SLC60A1: variants seen among roughly 807,000 people sequenced by gnomAD.
SLC60A1 encodes the protein major facilitator superfamily domain containing 4.
chr1:205,586,386 A>C, the SLC60A1 span, among the ~76,000 whole-genome samples: 33 of 152,224 alleles, frequency 2.2e-4, no homozygotes, highest in South Asian at 6.2e-3. Context: ...TGGGAGGTGG[A>C]GCCTACCTGG....
the SLC60A1 span, among the ~76,000 whole-genome samples, chr1:205,584,547 TTAAAAA>T: frequency 1.1e-5 from 1 of 92,870 alleles, no homozygotes; most frequent in African/African-American, 4.8e-5. Flanking sequence ...CTTTTTTTTT[TTAAAAA>T]AAAAAAAAAA....
chr1:205,573,102 C>CAAAA, the SLC60A1 span, among the ~76,000 whole-genome samples: 4,000 of 152,010 alleles, frequency 0.026, 160 homozygotes, highest in African/African-American at 0.089. Context: ...AGTGTCAAAA[C>CAAAA]CAAACAAAAC....
the SLC60A1 span, chr1:205,592,047 C>A: frequency 1.6e-3 from 2,432 of 1,541,118 alleles, 7 homozygotes; most frequent in South Asian, 3.8e-3. Flanking sequence ...AGAGAGGAAA[C>A]GCCAAGCCAG....
chr1:205,572,268 G>A, the SLC60A1 span, among the ~76,000 whole-genome samples: 1 of 152,100 alleles, frequency 6.6e-6, no homozygotes, highest in African/African-American at 2.4e-5. Context: ...GTTTCTTGGG[G>A]ATCTGTCTAA....
At chr1:205,586,311 A>G in the SLC60A1 span, 7 of 1,374,644 alleles carry the variant, frequency 5.1e-6, no homozygotes, top group Admixed American at 1.4e-4. Flanking sequence ...TTCTGCCAGC[A>G]GGATGGGAAC....
At chr1:205,595,274 T>A in the SLC60A1 span, 2 of 152,510 alleles carry the variant, frequency 1.3e-5, no homozygotes, top group African/African-American at 4.8e-5. Flanking sequence ...TATTCCCTGA[T>A]GGCACAAAAA....
chr1:205,598,171 G>A, the SLC60A1 span: 1 of 267,682 alleles, frequency 3.7e-6, no homozygotes, highest in Non-Finnish European at 7.4e-6. Flanking sequence ...GGTTGGAACT[G>A]CAGTCAGAGT....
At chr1:205,592,490 G>C in the SLC60A1 span, among the ~76,000 whole-genome samples, 2 of 151,624 alleles carry the variant, frequency 1.3e-5, no homozygotes, top group African/African-American at 4.9e-5. Context: ...CCATTAACTC[G>C]TCATTTAGCA....
chr1:205,581,496 G>A, the SLC60A1 span, among the ~76,000 whole-genome samples: 1 of 152,236 alleles, frequency 6.6e-6, no homozygotes, highest in African/African-American at 2.4e-5. The surrounding 1 kb of genome is among the most constrained non-coding windows in gnomAD (Gnocchi z 4.2). Flanking sequence ...GCCTCCAGCT[G>A]GAAACCTCCT....
the SLC60A1 span, among the ~76,000 whole-genome samples, chr1:205,588,852 A>G: frequency 6.6e-6 from 1 of 152,200 alleles, no homozygotes. Flanking sequence ...TCTTGCTTCC[A>G]GGGAGCTTAC....
the SLC60A1 span, chr1:205,592,175 T>G: frequency 6.2e-7 from 1 of 1,614,132 alleles, no homozygotes; most frequent in Non-Finnish European, 8.5e-7. Context: ...TGCTGCTTAT[T>G]TTCTCCTACA....
the SLC60A1 span, chr1:205,599,166 C>T: frequency 6.2e-7 from 1 of 1,614,178 alleles, no homozygotes; most frequent in South Asian, 1.1e-5. Flanking sequence ...GTTTCCTGGT[C>T]TGTGGCGTGA....
the SLC60A1 span, among the ~76,000 whole-genome samples, chr1:205,571,047 C>A: frequency 0.49 from 74,504 of 151,586 alleles, 19,260 homozygotes; most frequent in East Asian, 0.95. Flanking sequence ...AACCCTGCAG[C>A]AGGAACTGGC....
At chr1:205,590,420 A>AT in the SLC60A1 span, among the ~76,000 whole-genome samples, 1 of 152,198 alleles carries the variant, frequency 6.6e-6, no homozygotes, top group Non-Finnish European at 1.5e-5. Context: ...TTCCATTTCC[A>AT]TTCTGAAGGG....
chr1:205,586,709 T>C, the SLC60A1 span, among the ~76,000 whole-genome samples: 1 of 151,796 alleles, frequency 6.6e-6, no homozygotes, highest in Non-Finnish European at 1.5e-5. Flanking sequence ...CTTTTTTTTT[T>C]TTTTTGAGAT....
chr1:205,588,813 G>A, the SLC60A1 span, among the ~76,000 whole-genome samples: 1 of 152,244 alleles, frequency 6.6e-6, no homozygotes, highest in South Asian at 2.1e-4. Context: ...GCTGCAAACT[G>A]CAGGCCGCCA....
chr1:205,578,387 A>G, the SLC60A1 span, among the ~76,000 whole-genome samples: 1 of 152,138 alleles, frequency 6.6e-6, no homozygotes, highest in African/African-American at 2.4e-5. Context: ...TTGCCTCCCC[A>G]TGACGCACTC....
At chr1:205,580,962 C>G in the SLC60A1 span, 1 of 1,596,756 alleles carries the variant, frequency 6.3e-7, no homozygotes, top group Non-Finnish European at 8.5e-7. This position sits in a 1 kb window ranked among gnomAD's most constrained non-coding sequence, Gnocchi z 5.0. Context: ...AGCTAGTGGA[C>G]AGTCCACACA....
At chr1:205,572,262 C>A in the SLC60A1 span, among the ~76,000 whole-genome samples, 1 of 152,042 alleles carries the variant, frequency 6.6e-6, no homozygotes, top group Non-Finnish European at 1.5e-5. Flanking sequence ...TTCCTGGTTT[C>A]TTGGGGATCT....
Sources: allele counts gnomAD v4.1 joint callset (sites outside exome capture counted in the v4.1 genomes callset), GRCh38; gene constraint gnomAD v4.1.1; non-coding constraint Gnocchi (gnomAD v3.1); transcripts MANE v1.5; gene names NCBI Gene and HGNC (gene_info 2026-07-23, HGNC 2026-07-21).